Variants in ABI3BP observed in about 807,000 individuals in gnomAD.
The protein encoded by ABI3BP is target of Nesh-SH3.
Under a neutral mutation model 268.6 loss-of-function variants are expected in ABI3BP, and 216 were observed. The ratio of observed to expected loss-of-function variants is 0.80; its 90% CI spans 0.72 to 0.90. The LOEUF (loss-of-function observed/expected upper bound fraction) is 0.90, where lower values mean the gene tolerates loss of function less well. ABI3BP is among the 40% of genes least tolerant of loss of function. ABI3BP has a pLI of 0.00. For synonymous variants in ABI3BP, 730 were observed against 730.0 expected (o/e 1.00, Z 0.00); for missense variants, 2,090 against 2,182.4 (o/e 0.96, Z 0.84).
chr3:100,760,619 A>G (rs1370655828), intron 63 of ABI3BP, among the ~76,000 whole-genome samples: 1 of 152,170 alleles, frequency 6.6e-6, no homozygotes, highest in East Asian at 1.9e-4. Context: ...ACAGAATTAT[A>G]TCATTTTAGA....
At chr3:100,947,097 T>C (rs1265044767) in intron 1 of ABI3BP, among the ~76,000 whole-genome samples, 1 of 152,206 alleles carries the variant, frequency 6.6e-6, no homozygotes, top group Non-Finnish European at 1.5e-5. Flanking sequence ...GTCATTTTTA[T>C]GGTAATAATT....
At chr3:100,860,036 G>A (rs1339613742) in intron 14 of ABI3BP, among the ~76,000 whole-genome samples, 6 of 152,114 alleles carry the variant, frequency 3.9e-5, no homozygotes, top group East Asian at 1.9e-4. Context: ...CGCACCCATC[G>A]CACTCCAGCC....
chr3:100,973,086 A>G (rs2084440565), intron 1 of ABI3BP, among the ~76,000 whole-genome samples: 1 of 152,076 alleles, frequency 6.6e-6, no homozygotes. Flanking sequence ...AGCAGGCCCT[A>G]AGTGTGGTGC....
In ABI3BP at chr3:100,868,304, A is replaced by G. The variant is rs185451818; in HGVS notation, c.911-1348T>C. Among the ~76,000 whole-genome samples, 332 of 152,338 alleles carry G rather than the reference A, an allele frequency of 2.2e-3. 6 individuals are homozygous for G. The highest frequency in any genetic ancestry group is 9.4e-3 in the Admixed American group (143 of 15,292). On this transcript the variant is annotated intron_variant, in intron 9 of 67. Transcript: ENST00000471714. ...TGGCTTCTACCCATTGGATTCCAAT[A>G]GTGCTCTCACACACTTTTGGAATAT...
chr3:100,803,378 A>G (rs1380107401), intron 51 of ABI3BP, among the ~76,000 whole-genome samples: 2 of 143,986 alleles, frequency 1.4e-5, no homozygotes, highest in African/African-American at 2.4e-5. Flanking sequence ...CTGTGGGAGA[A>G]CTTTTGAAGA....
intron 1 of ABI3BP, among the ~76,000 whole-genome samples, chr3:100,947,914 T>C (rs1392002931): frequency 6.6e-6 from 1 of 152,112 alleles, no homozygotes; most frequent in African/African-American, 2.4e-5. Context: ...ATAACTGCTG[T>C]GATCTGAAGA....
chr3:100,920,686 G>T (rs775067311), intron 2 of ABI3BP, among the ~76,000 whole-genome samples: 2 of 152,152 alleles, frequency 1.3e-5, no homozygotes, highest in Non-Finnish European at 2.9e-5. Flanking sequence ...ATCTCAAAGT[G>T]CTGGGATTAC....
chr3:100,772,431 A>G (rs142812193), intron 61 of ABI3BP, among the ~76,000 whole-genome samples: 1 of 152,348 alleles, frequency 6.6e-6, no homozygotes, highest in East Asian at 1.9e-4. Context: ...ATAACATGTA[A>G]AAGTAAAATG....
chr3:100,851,002 C>T (rs545480321), intron 15 of ABI3BP, among the ~76,000 whole-genome samples: 1 of 152,264 alleles, frequency 6.6e-6, no homozygotes, highest in South Asian at 2.1e-4. Context: ...TGGTTTCCTC[C>T]ATTTTGTTTC....
At chr3:100,848,467 C>A (rs1178955854) in intron 18 of ABI3BP, among the ~76,000 whole-genome samples, 2 of 116,364 alleles carry the variant, frequency 1.7e-5, no homozygotes, top group Admixed American at 1.9e-4. Context: ...ATCTATAAAA[C>A]ATATCCTTTT....
chr3:100,857,242 T>C (rs2098950312), intron 14 of ABI3BP, among the ~76,000 whole-genome samples: 1 of 152,152 alleles, frequency 6.6e-6, no homozygotes, highest in South Asian at 2.1e-4. Flanking sequence ...TATGTAGCAA[T>C]TCAGGAAGTT....
rs1335177499 is a variant in ABI3BP, at chr3:100,898,886, G to C, written c.337C>G (p.Arg113Gly). 6.2e-7 allele frequency: 1 copy of C among 1,609,544 alleles called. No homozygotes were observed. Among genetic ancestry groups the C allele is most frequent in the Non-Finnish European group, 8.5e-7 (1 of 1,178,350 alleles). The stretch of plus-strand genomic sequence containing the variant: ...ACCAGCTGCAGAGGTTTGCGAGAAC[G>C]AGTTTTACCTGTGGAGGTGGCATAG... Reference protein sequence around the residue: ...SQKKSCSGKTRSRKPLQLVVG... With the variant: ...SQKKSCSGKTGSRKPLQLVVG... The change falls in exon 4 of 68, where the codon CGT becomes GGT. Residue 113 changes from arginine (R) to glycine (G), a missense_variant. Arg to Gly is a moderately radical substitution (Grantham distance 125). Coordinates refer to ENST00000471714, the MANE Select transcript of ABI3BP (RefSeq NM_001375547.2).
intron 66 of ABI3BP, among the ~76,000 whole-genome samples, chr3:100,752,171 T>C (rs1168251063): frequency 1.3e-5 from 2 of 152,252 alleles, no homozygotes; most frequent in African/African-American, 4.8e-5. Context: ...AAAGTACCTC[T>C]ATGAAATGTT....
chr3:100,843,248 A>T (rs73135601), intron 20 of ABI3BP, among the ~76,000 whole-genome samples: 10,033 of 152,270 alleles, frequency 0.066, 389 homozygotes, highest in Middle Eastern at 0.099. Flanking sequence ...AAAGAGTACA[A>T]ATTAGGTGCA....
intron 63 of ABI3BP, among the ~76,000 whole-genome samples, chr3:100,762,385 G>A (rs1263022117): frequency 6.6e-6 from 1 of 152,158 alleles, no homozygotes; most frequent in Admixed American, 6.5e-5. Flanking sequence ...GATTTGATGA[G>A]AAAGAAAAAT....
intron 4 of ABI3BP, among the ~76,000 whole-genome samples, chr3:100,892,945 T>C (rs1391525537): frequency 2.6e-5 from 4 of 152,216 alleles, no homozygotes; most frequent in Non-Finnish European, 5.9e-5. Flanking sequence ...AAGCCAAGTA[T>C]TGATCCTAGG....
In ABI3BP at chr3:100,770,949, G is replaced by A; in HGVS notation, c.4535C>T (p.Pro1512Leu). ...DPLGKPRFKGPHVRYIQKPDN... is the reference protein window; with the variant it reads ...DPLGKPRFKGLHVRYIQKPDN... Reference sequence around the variant, plus strand: ...AGGCTTTTGGATGTATCGCACATGAGGTCCTACGAGAGAGAGGACCCTTGA... The same window carrying A: ...AGGCTTTTGGATGTATCGCACATGAAGTCCTACGAGAGAGAGGACCCTTGA... Residue 1512 changes from proline to leucine, a missense_variant, in exon 62 of 68, where the codon CCT becomes CTT. Coordinates refer to ENST00000471714, the MANE Select transcript of ABI3BP (RefSeq NM_001375547.2). 6.4e-7 allele frequency: 1 copy of A among 1,563,988 alleles called. No individual in the cohort carries two copies. The highest frequency in any genetic ancestry group is 2.4e-5 in the East Asian group (1 of 42,376).
At chr3:100,791,147 GAC>G in intron 55 of ABI3BP, among the ~76,000 whole-genome samples, 1 of 151,850 alleles carries the variant, frequency 6.6e-6, no homozygotes, top group African/African-American at 2.4e-5. Flanking sequence ...AATATGTTAA[GAC>G]AATTTATATA....
At chr3:100,849,929 G>A in intron 17 of ABI3BP, 116 bp downstream of exon 17, 1 of 814,402 alleles carries the variant, frequency 1.2e-6, no homozygotes, top group Non-Finnish European at 2.0e-6. Flanking sequence ...GAGACTGAAG[G>A]GAAATATTTA....
Sources: gnomAD v4.1 joint callset for allele counts (sites outside exome capture counted in the v4.1 genomes callset) on GRCh38, gnomAD v4.1.1 for gene constraint, MANE v1.5 for transcripts, NCBI Gene and HGNC (gene_info 2026-07-23, HGNC 2026-07-21) for gene names.